The following PGD variants were observed in gnomAD, a reference collection of about 807,000 sequenced individuals.
PGD encodes the protein 6-phosphogluconate dehydrogenase, decarboxylating.
Under a neutral mutation model 60.4 loss-of-function variants are expected in PGD, and 21 were observed. The observed-to-expected ratio is 0.35, with a 90% CI of 0.25 to 0.50. The LOEUF (loss-of-function observed/expected upper bound fraction) is 0.50, where lower values mean the gene tolerates loss of function less well. Ranked by LOEUF, PGD falls within the 20% of genes least tolerant of loss-of-function variation. The pLI is 0.98. For synonymous variants in PGD, 230 were observed against 235.9 expected, an observed-to-expected ratio of 0.97 and a Z score of 0.23; for missense variants, 477 against 613.1, an observed-to-expected ratio of 0.78 and a Z score of 2.34.
At chr1:10,418,773 CAAAA>C (rs370777082) in intron 10 of PGD, 49 bp from the exon 11 acceptor site, 1,343 of 780,056 alleles carry the variant, frequency 1.7e-3, no homozygotes, top group East Asian at 2.4e-3. Flanking sequence ...GACTCCGTCT[CAAAA>C]AAAAAAAAAA....
chr1:10,404,106 C>A, intron 4 of PGD, 55 bp from the exon 5 acceptor site: 1 of 1,240,688 alleles, frequency 8.1e-7, no homozygotes, highest in Non-Finnish European at 1.1e-6. Context: ...CATAATGAAA[C>A]ATGGAAGCAT....
At chr1:10,399,958 GAGA>G (rs2102383644) in intron 2 of PGD, 2 of 566,826 alleles carry the variant, frequency 3.5e-6, no homozygotes, top group South Asian at 4.1e-5. Flanking sequence ...GTCTTAAGTA[GAGA>G]AGAAGGGTGC....
In PGD at chr1:10,401,034, G is replaced by A. The variant is rs551474342; in HGVS notation, c.264+462G>A. Among the ~76,000 whole-genome samples the A allele has an allele frequency of 1.2e-4, 19 of 152,142 alleles. No individual in the cohort carries two copies. In the South Asian group the frequency reaches 2.7e-3, roughly 22 times the overall value. On this transcript the variant is annotated intron_variant, in intron 3 of 12. Coordinates refer to ENST00000270776, the MANE Select transcript of PGD (RefSeq NM_002631.4). ...AGCCTGGCCAACATGGTGAAACCCCGTCTCTACTAAAAATATAAAAATTAG... is the reference window on the plus strand; with the variant it reads ...AGCCTGGCCAACATGGTGAAACCCCATCTCTACTAAAAATATAAAAATTAG...
chr1:10,399,627 A>C lies in PGD; in HGVS notation c.9-2A>C. 6.2e-7 allele frequency: 1 copy of C among 1,613,374 alleles called. No homozygotes were observed. The highest frequency in any genetic ancestry group is 1.7e-5 in the Admixed American group (1 of 60,036). ...TCCTTTGTTCTGTTTCTGCCTCTCT[A>C]GAGCTGACATCGCGCTGATCGGATT... On this transcript the variant is annotated splice_acceptor_variant, in intron 1 of 12. Coordinates refer to ENST00000270776, the MANE Select transcript of PGD (RefSeq NM_002631.4). LOFTEE classifies it high-confidence loss of function.
chr1:10,407,714 G>A (rs1639430684), intron 5 of PGD, among the ~76,000 whole-genome samples: 2 of 152,068 alleles, frequency 1.3e-5, no homozygotes, highest in Admixed American at 6.6e-5. Context: ...GGGTATCCAC[G>A]GTGGGTGGAT....
In PGD at chr1:10,403,057, G is replaced by C. The variant is rs1281572873; in HGVS notation, c.265-14G>C. The C allele has an allele frequency of 6.3e-7, 1 of 1,583,096 alleles. No individual in the cohort carries two copies. Among genetic ancestry groups the C allele is most frequent in the Non-Finnish European group, 8.7e-7 (1 of 1,152,280 alleles). On this transcript the variant is annotated splice_polypyrimidine_tract_variant and intron_variant, in intron 3 of 12. Coordinates refer to ENST00000270776, the MANE Select transcript of PGD (RefSeq NM_002631.4). ...TCATTTTTGGTCCATCTTAATGCTG[G>C]TGTCTGGTTACAGGTACCATTGTTG...
intron 11 of PGD, among the ~76,000 whole-genome samples, chr1:10,419,174 AT>A (rs36039303): frequency 0.019 from 2,574 of 138,162 alleles, 46 homozygotes; most frequent in African/African-American, 0.057. Flanking sequence ...TACCTGGCTA[AT>A]TTTTTTTTTT....
rs563466177 is a variant in PGD at position 10,417,256 on chromosome 1, A to G, written c.976-120A>G. ...GCCTTGACTTGGATCTTGACTTACA[A>G]TGTTTTCCTAGAATATTGGCCCTTC... On this transcript the variant is annotated intron_variant, in intron 9 of 12. Coordinates refer to ENST00000270776, the MANE Select transcript of PGD (RefSeq NM_002631.4). The G allele has an allele frequency of 9.1e-6, 13 of 1,431,596 alleles. No individual in the cohort carries two copies. In the East Asian group the frequency reaches 2.3e-4, roughly 25 times the overall value. 88.7% of individuals were successfully genotyped at this position (1,431,596 alleles called of 1,614,324 possible).
At chr1:10,403,972 A>G (rs976600277) in intron 4 of PGD, among the ~76,000 whole-genome samples, 189 bp from the exon 5 acceptor site, 7 of 152,196 alleles carry the variant, frequency 4.6e-5, no homozygotes, top group Non-Finnish European at 8.8e-5. Context: ...ACTCCTACAC[A>G]TAGGGGATTA....
Position 10,400,578 on chromosome 1 carries a change from G to C in PGD, c.264+6G>C. 1.2e-6 allele frequency: 2 copies of C among 1,609,752 alleles called. No individual in the cohort carries two copies. Among genetic ancestry groups the C allele is most frequent in the Non-Finnish European group, 1.7e-6 (2 of 1,177,538 alleles). On this transcript the variant is annotated splice_donor_region_variant and intron_variant, in intron 3 of 12. Transcript: ENST00000270776. ...ATGATTTCATCGAGAAATTGGTGAGGCCAGCTGTGCTCTCAGCTGCTACCA... is the reference window on the plus strand; with the variant it reads ...ATGATTTCATCGAGAAATTGGTGAGCCCAGCTGTGCTCTCAGCTGCTACCA...
rs751575228 is a variant in PGD at position 10,404,211 on chromosome 1, A to G, written c.381A>G (p.Gly127=). The change falls in exon 5 of 13, where the codon GGA becomes GGG. Residue 127 remains glycine, a synonymous_variant. Coordinates refer to ENST00000270776, the MANE Select transcript of PGD (RefSeq NM_002631.4). ...KAKGILFVGS[G]VSGGEEGARY... ...AGGGAATTTTATTTGTGGGGAGCGG[A>G]GTCAGTGGTGGAGAGGAAGGGGCCC... 5 of 1,613,842 alleles carry G rather than the reference A, an allele frequency of 3.1e-6. No individual in the cohort carries two copies. Among genetic ancestry groups the G allele is most frequent in the Non-Finnish European group, 4.2e-6 (5 of 1,179,944 alleles).
Position 10,419,935 on chromosome 1 carries a change from C to A in PGD, c.*186C>A. The A allele has an allele frequency of 1.1e-5, 7 of 658,848 alleles. No individual in the cohort carries two copies. The South Asian group carries it at 1.3e-4, about 12-fold the overall frequency. The allele number at this position is 658,848 out of a possible 1,614,324, so 40.8% of individuals were successfully genotyped here. On this transcript the variant is annotated 3_prime_UTR_variant, in exon 13 of 13. Transcript: ENST00000270776. Reference sequence around the variant, plus strand: ...TGTGAGAGCCACCATGCCCTCTGCCCTTGCCTCTTGGGACTGACCAGGAGC... The same window carrying A: ...TGTGAGAGCCACCATGCCCTCTGCCATTGCCTCTTGGGACTGACCAGGAGC...
In PGD at chr1:10,420,389, CTTTTTTTTTTTTTT is replaced by C. The variant is rs70997229; in HGVS notation, c.*651_*664del. On this transcript the variant is annotated 3_prime_UTR_variant, in exon 13 of 13. Coordinates refer to ENST00000270776, the MANE Select transcript of PGD (RefSeq NM_002631.4). The stretch of plus-strand genomic sequence containing the variant: ...CACTGTAACGTGCTTTTTCTTTCGT[CTTTTTTTTTTTTTT>C]TTTTTTTTTTGCTCCTGGCAAGCTG... Among the ~76,000 whole-genome samples, 1 of 75,060 alleles carries C rather than the reference CTTTTTTTTTTTTTT, an allele frequency of 1.3e-5. No homozygotes were observed. The highest frequency in any genetic ancestry group is 4.8e-4 in the East Asian group (1 of 2,094). 49.2% of individuals were successfully genotyped at this position (75,060 alleles called of 152,430 possible).
chr1:10,399,179 T>G (rs976779896), intron 1 of PGD, 54 bp downstream of exon 1: 68 of 1,596,254 alleles, frequency 4.3e-5, no homozygotes, highest in Non-Finnish European at 5.3e-5. Context: ...GGGGAACTCT[T>G]TGGGGGTCGA....
chr1:10,411,139 G>A (rs1639492727), intron 6 of PGD, among the ~76,000 whole-genome samples: 1 of 152,094 alleles, frequency 6.6e-6, no homozygotes, highest in Non-Finnish European at 1.5e-5. Context: ...AGAAAATACA[G>A]GCTAGAGAGC....
intron 4 of PGD, among the ~76,000 whole-genome samples, chr1:10,403,365 G>A (rs1472022747): frequency 1.3e-5 from 2 of 152,028 alleles, no homozygotes; most frequent in Non-Finnish European, 2.9e-5. Flanking sequence ...ACGGAGGCAG[G>A]TGGACCAAGA....
At chr1:10,416,691 G>T (rs888397592) in intron 8 of PGD, among the ~76,000 whole-genome samples, 7 of 152,282 alleles carry the variant, frequency 4.6e-5, no homozygotes, top group African/African-American at 1.4e-4. Flanking sequence ...GTCAAAGGGG[G>T]TTTTTCTCTT....
chr1:10,406,794 A>G (rs754274362), intron 5 of PGD, among the ~76,000 whole-genome samples: 1 of 152,222 alleles, frequency 6.6e-6, no homozygotes, highest in African/African-American at 2.4e-5. Context: ...CCTTTCTCTG[A>G]ATGGTAATGT....
At chr1:10,405,869 C>T (rs556514211) in intron 5 of PGD, among the ~76,000 whole-genome samples, 145 of 152,096 alleles carry the variant, frequency 9.5e-4, no homozygotes, top group African/African-American at 2.8e-3. Flanking sequence ...TTTTTTGAGA[C>T]GGAGTCTTGC....
Sources: allele counts gnomAD v4.1 joint callset (sites outside exome capture counted in the v4.1 genomes callset), GRCh38; gene constraint gnomAD v4.1.1; transcripts MANE v1.5; gene names NCBI Gene and HGNC (gene_info 2026-07-23, HGNC 2026-07-21).